The following DSE variants were observed in gnomAD, a reference collection of about 807,000 sequenced individuals.
The protein encoded by DSE is dermatan sulfate epimerase.
In DSE, 36 loss-of-function variants were observed where a neutral mutation model predicts 84.4. The observed-to-expected ratio is 0.43, with a 90% confidence interval of 0.33 to 0.56. The LOEUF is 0.56. Among genes scored for constraint, DSE ranks in the 20% least tolerant of loss-of-function variants. The pLI, the probability that DSE is intolerant of heterozygous loss-of-function variation, is 0.06. For synonymous variants in DSE, 410 were observed against 430.1 expected, an observed-to-expected ratio of 0.95 and a Z score of 0.58; for missense variants, 862 against 1,169.6, an observed-to-expected ratio of 0.74 and a Z score of 3.84.
At chr6:116,324,258 G>A (rs1358249346) in intron 2 of DSE, among the ~76,000 whole-genome samples, 1 of 152,124 alleles carries the variant, frequency 6.6e-6, no homozygotes, top group African/African-American at 2.4e-5. Context: ...TTGGCAGGTG[G>A]GCAGATTTTC....
rs1784459378 is a variant in DSE, at chr6:116,442,452, G to T, written c.*5107G>T. ...GTACCAGCCTGGAATCCAGGGGCAG[G>T]CTGTGGCTGAAGATGTAATTGTTGG... On this transcript the variant is annotated 3_prime_UTR_variant, in exon 6 of 6. Transcript: ENST00000644252. 6.6e-6 allele frequency: 1 copy of T among 152,172 alleles called. No homozygotes were observed. The highest frequency in any genetic ancestry group is 1.5e-5 in the Non-Finnish European group (1 of 68,058). 9.4% of individuals were successfully genotyped at this position (152,172 alleles called of 1,614,324 possible). A position where few individuals can be genotyped will look rare whatever the true frequency, so the allele number is the denominator to read the frequency against.
chr6:116,329,017 ATAC>A (rs1776793767), intron 2 of DSE, among the ~76,000 whole-genome samples: 1 of 152,222 alleles, frequency 6.6e-6, no homozygotes, highest in African/African-American at 2.4e-5. Flanking sequence ...AATATCAACA[ATAC>A]TACTCCTCTT....
rs2115097763 is a variant in DSE at position 116,436,775 on chromosome 6, C to T, written c.2307C>T (p.Ser769=). ...TGTCCCGAGTCCGGAACACAGCTAG[C>T]TTTAGGAAGACTGCTGAACGCCTGC... ...QILSRVRNTA[S]FRKTAERLLR... is the part of the protein sequence containing the mutation. The change falls in exon 6 of 6, where the codon AGC becomes AGT. Residue 769 remains serine (S), a synonymous_variant. Coordinates refer to ENST00000644252, the MANE Select transcript of DSE (RefSeq NM_013352.4). The T allele has an allele frequency of 6.2e-7, 1 of 1,614,116 alleles. No homozygotes were observed. The highest frequency in any genetic ancestry group is 8.5e-7 in the Non-Finnish European group (1 of 1,180,016).
chr6:116,339,133 C>T (rs1489119550), intron 2 of DSE, among the ~76,000 whole-genome samples: 1 of 152,284 alleles, frequency 6.6e-6, no homozygotes, highest in South Asian at 2.1e-4. Context: ...CACCCCAGTC[C>T]TGTCCGTCTG....
intron 2 of DSE, among the ~76,000 whole-genome samples, chr6:116,292,837 A>G (rs1271591752): frequency 6.6e-6 from 1 of 152,250 alleles, no homozygotes; most frequent in Non-Finnish European, 1.5e-5. Flanking sequence ...GTAAAAGAAC[A>G]TTGCAGACCA....
At chr6:116,404,059 G>C (rs1227592196) in intron 2 of DSE, among the ~76,000 whole-genome samples, 3 of 152,096 alleles carry the variant, frequency 2.0e-5, no homozygotes, top group African/African-American at 7.2e-5. Context: ...GTAGAATTTT[G>C]CATGTGTAGA....
intron 2 of DSE, chr6:116,279,564 G>A: frequency 6.2e-7 from 1 of 1,602,958 alleles, no homozygotes; most frequent in Non-Finnish European, 8.5e-7. Flanking sequence ...CCACATGACC[G>A]CGACCCCCAA....
intron 5 of DSE, 56 bp downstream of exon 5, chr6:116,433,606 G>GTTT: frequency 1.3e-6 from 2 of 1,509,882 alleles, no homozygotes; most frequent in Non-Finnish European, 1.8e-6. Flanking sequence ...TACTATTCAT[G>GTTT]CTATGCACTT....
intron 2 of DSE, among the ~76,000 whole-genome samples, chr6:116,263,529 A>C (rs1772500709): frequency 6.6e-6 from 1 of 152,166 alleles, no homozygotes; most frequent in South Asian, 2.1e-4. Context: ...TGAAGACAGC[A>C]TACCAATAAG....
chr6:116,360,984 A>G (rs985945506), intron 2 of DSE, among the ~76,000 whole-genome samples: 3 of 152,212 alleles, frequency 2.0e-5, no homozygotes, highest in Non-Finnish European at 4.4e-5. Flanking sequence ...GAGGAAAATG[A>G]CATCTATAAT....
At chr6:116,383,666 C>T (rs1780390310) in intron 1 of DSE, among the ~76,000 whole-genome samples, 1 of 152,134 alleles carries the variant, frequency 6.6e-6, no homozygotes, top group African/African-American at 2.4e-5. Context: ...TTGCTCTGGG[C>T]ACCTTTCTCA....
chr6:116,279,178 T>C, intron 2 of DSE: 1 of 1,612,552 alleles, frequency 6.2e-7, no homozygotes, highest in Non-Finnish European at 8.5e-7. Context: ...CCAGGGCCCT[T>C]CTTCCTCCCT....
At chr6:116,361,641 G>A (rs1316238291) in intron 2 of DSE, among the ~76,000 whole-genome samples, 2 of 152,120 alleles carry the variant, frequency 1.3e-5, no homozygotes, top group African/African-American at 4.8e-5. Context: ...GGGCAACAGA[G>A]CAAGACCCCA....
At position 116,315,000 on chromosome 6, in the gene DSE, A is replaced by G. The variant is rs139880349; in HGVS notation, c.-54+56033A>G. 4.9e-3 allele frequency among the ~76,000 whole-genome samples: 741 copies of G among 152,314 alleles called. 8 individuals are homozygous for G. The highest frequency in any genetic ancestry group is 0.017 in the African/African-American group (708 of 41,566). ...TAGGCTCTGAACCCATTGTTTTACC[A>G]TCTGTCTTCCAGCCCCAGAGTGAAA... On this transcript the variant is annotated intron_variant, in intron 2 of 3. Coordinates refer to the DSE transcript ENST00000430252.
chr6:116,331,164 A>G (rs1012981862), intron 2 of DSE, among the ~76,000 whole-genome samples: 3 of 152,222 alleles, frequency 2.0e-5, no homozygotes, highest in Non-Finnish European at 2.9e-5. Context: ...CCAATAATAA[A>G]CACCATAGAA....
At chr6:116,340,495 T>C (rs1777525873) in intron 2 of DSE, among the ~76,000 whole-genome samples, 2 of 152,114 alleles carry the variant, frequency 1.3e-5, no homozygotes, top group Admixed American at 1.3e-4. Flanking sequence ...ATTTTTTTTA[T>C]TATTATTATT....
At chr6:116,276,225 AG>A (rs1773137260) in intron 2 of DSE, among the ~76,000 whole-genome samples, 2 of 152,248 alleles carry the variant, frequency 1.3e-5, no homozygotes. Flanking sequence ...AAAGAAAAAA[AG>A]GAAGTTTTTA....
chr6:116,258,641 G>A (rs779874437), exon 2 of DSE: 16 of 1,612,302 alleles, frequency 9.9e-6, no homozygotes, highest in South Asian at 2.2e-5. Context: ...GCAGCCTCAC[G>A]AGCACCTGTG....
intron 2 of DSE, among the ~76,000 whole-genome samples, chr6:116,282,280 G>T (rs1440991353): frequency 6.6e-6 from 1 of 152,172 alleles, no homozygotes; most frequent in East Asian, 1.9e-4. Flanking sequence ...TAATTGCCAT[G>T]AAATCATCTT....
Sources: allele counts gnomAD v4.1 joint callset (sites outside exome capture counted in the v4.1 genomes callset), GRCh38; gene constraint gnomAD v4.1.1; transcripts MANE v1.5; gene names NCBI Gene and HGNC (gene_info 2026-07-23, HGNC 2026-07-21).